Variants in INO80D observed in about 807,000 individuals in gnomAD.
INO80D encodes the protein INO80 complex subunit D.
INO80D carries 21 observed loss-of-function variants against 87.6 expected under a neutral mutation model. The observed-to-expected ratio is 0.24, with a 90% CI of 0.17 to 0.35. The LOEUF (loss-of-function observed/expected upper bound fraction) is 0.35. Ranked by LOEUF, INO80D falls within the 10% of genes least tolerant of loss-of-function variation. INO80D has a pLI of 1.00. For synonymous variants in INO80D, 440 were observed against 491.0 expected (o/e 0.90, Z 1.37); for missense variants, 982 against 1,280.7 (o/e 0.77, Z 3.56).
At chr2:206,020,998 C>G (rs1688449118) in intron 6 of INO80D, among the ~76,000 whole-genome samples, 1 of 151,894 alleles carries the variant, frequency 6.6e-6, no homozygotes, top group Non-Finnish European at 1.5e-5. Context: ...ATAGGGAGAT[C>G]CCCATCTCTA....
intron 8 of INO80D, among the ~76,000 whole-genome samples, chr2:206,011,801 G>C (rs1412177580): frequency 6.6e-6 from 1 of 152,166 alleles, no homozygotes; most frequent in Non-Finnish European, 1.5e-5. Flanking sequence ...AAATGGTCCT[G>C]CCCTTGTGAG....
rs367584213 is a variant in INO80D, at chr2:206,005,293, C to T, written c.2159G>A (p.Arg720His). ...ACTAGAAAAATTATCATGTACTATA[C>T]GCCCATTCAATAGCTCCCCTAGGTC... ...NTDLGELLNG[R>H]IVHDNFSSLE... The change falls in exon 11 of 11, where the codon CGT becomes CAT. Residue 720 changes from arginine to histidine, a missense_variant. By Grantham distance (29) the Arg-to-His change is conservative. Transcript: ENST00000403263. 1.9e-5 allele frequency: 31 copies of T among 1,613,904 alleles called. No individual in the cohort carries two copies. The highest frequency in any genetic ancestry group is 5.3e-5 in the African/African-American group (4 of 74,916).
At chr2:206,014,452 CCT>C (rs939780856) in intron 8 of INO80D, among the ~76,000 whole-genome samples, 2 of 152,014 alleles carry the variant, frequency 1.3e-5, no homozygotes, top group African/African-American at 4.8e-5. Context: ...AGGTCTTTCC[CCT>C]GTTGTTCTCG....
chr2:206,049,993 C>T (rs960746143), intron 4 of INO80D, among the ~76,000 whole-genome samples: 10 of 151,782 alleles, frequency 6.6e-5, no homozygotes, highest in South Asian at 2.1e-4. Flanking sequence ...ATGAGCCAGG[C>T]GTGGTGGTAT....
rs1330444142 is a variant in INO80D, at chr2:206,085,124, C to G, written c.-124+777G>C. Among the ~76,000 whole-genome samples, 1 of 152,146 alleles carries G rather than the reference C, an allele frequency of 6.6e-6. No individual in the cohort carries two copies. The highest frequency in any genetic ancestry group is 2.1e-4 in the South Asian group (1 of 4,824). On this transcript the variant is annotated intron_variant, in intron 1 of 10. Transcript: ENST00000403263. The surrounding 1 kb of genome is among the most constrained non-coding windows in gnomAD (Gnocchi z 4.5). Reference sequence around the variant, plus strand: ...CCCCCACGCCCTGGGGGGTCCCGGGCGCTAGGACCAGGGCTCCCCGGAGAG... The same window carrying G: ...CCCCCACGCCCTGGGGGGTCCCGGGGGCTAGGACCAGGGCTCCCCGGAGAG...
intron 1 of INO80D, among the ~76,000 whole-genome samples, chr2:206,081,935 C>T (rs35783749): frequency 0.19 from 28,318 of 152,006 alleles, 3,275 homozygotes; most frequent in Non-Finnish European, 0.27. Flanking sequence ...ACTTGCCCAG[C>T]GGAAGGACTG....
intron 1 of INO80D, among the ~76,000 whole-genome samples, chr2:206,077,149 C>T (rs936186219): frequency 6.6e-6 from 1 of 151,982 alleles, no homozygotes; most frequent in Admixed American, 6.6e-5. Flanking sequence ...TGGTGGTGGG[C>T]GCCTGTAGTC....
At chr2:206,066,568 G>A (rs761260511) in intron 1 of INO80D, among the ~76,000 whole-genome samples, 1 of 152,146 alleles carries the variant, frequency 6.6e-6, no homozygotes, top group Non-Finnish European at 1.5e-5. Flanking sequence ...CACTTTGGGA[G>A]GCCAAGGTAG....
Position 206,056,542 on chromosome 2 carries a change from T to C in INO80D, c.620A>G (p.Gln207Arg), listed in dbSNP as rs754026510. The C allele has an allele frequency of 6.4e-5, 103 of 1,613,016 alleles. No individual in the cohort carries two copies. In the Admixed American group the frequency reaches 1.7e-3, roughly 26 times the overall value. The change falls in exon 4 of 11, where the codon CAG becomes CGG. Residue 207 changes from glutamine to arginine, a missense_variant. By Grantham distance (43) the Gln-to-Arg change is conservative. Transcript: ENST00000403263. ...PPAPSQQQPP[Q>R]QHSHLSPLST... The stretch of plus-strand genomic sequence containing the variant: ...TAAAGGTGACAGGTGGGAGTGCTGC[T>C]GCGGAGGCTGCTGCTGTGAAGGTGC...
intron 4 of INO80D, among the ~76,000 whole-genome samples, chr2:206,051,392 C>T (rs1330908656): frequency 1.3e-5 from 2 of 150,448 alleles, no homozygotes; most frequent in Non-Finnish European, 3.0e-5. Flanking sequence ...AACAGATACC[C>T]GGAAGCAAAA....
At position 205,998,889 on chromosome 2, in the gene INO80D, C is replaced by A. The variant is rs530237111; in HGVS notation, c.*5479G>T. Reference sequence around the variant, plus strand: ...TCCCTGAGACATACTCAATACTATACAGTGAAAAGAACTATCACTGTTGAG... The same window carrying A: ...TCCCTGAGACATACTCAATACTATAAAGTGAAAAGAACTATCACTGTTGAG... On this transcript the variant is annotated 3_prime_UTR_variant, in exon 11 of 11. Coordinates refer to ENST00000403263, the MANE Select transcript of INO80D (RefSeq NM_017759.5). 1 of 152,186 alleles carries A rather than the reference C, an allele frequency of 6.6e-6. No homozygotes were observed. Among genetic ancestry groups the A allele is most frequent in the South Asian group, 2.1e-4 (1 of 4,828 alleles). 9.4% of individuals were successfully genotyped at this position (152,186 alleles called of 1,614,324 possible). A position where few individuals can be genotyped will look rare whatever the true frequency, so the allele number is the denominator to read the frequency against.
intron 1 of INO80D, among the ~76,000 whole-genome samples, chr2:206,083,879 GA>G (rs1271068273): frequency 7.0e-6 from 1 of 142,450 alleles, no homozygotes; most frequent in Non-Finnish European, 1.5e-5. Flanking sequence ...AAAAAAAAAG[GA>G]AAAAACCAAC....
chr2:206,075,264 T>C (rs1690081113), intron 1 of INO80D, among the ~76,000 whole-genome samples: 1 of 152,178 alleles, frequency 6.6e-6, no homozygotes, highest in Admixed American at 6.6e-5. Flanking sequence ...ATTATTCTCT[T>C]TGGGACTACC....
intron 10 of INO80D, among the ~76,000 whole-genome samples, chr2:206,005,753 T>C (rs1688006426): frequency 6.6e-6 from 1 of 152,230 alleles, no homozygotes; most frequent in Non-Finnish European, 1.5e-5. Flanking sequence ...CATCTTCAGT[T>C]GATTTACTGA....
chr2:206,021,048 A>G (rs1688450910), intron 6 of INO80D, among the ~76,000 whole-genome samples: 1 of 152,156 alleles, frequency 6.6e-6, no homozygotes, highest in South Asian at 2.1e-4. Flanking sequence ...GACAATTCTT[A>G]CAAGTACAAA....
rs1251733169 is a variant in INO80D, at chr2:206,056,319, G to T, written c.843C>A (p.Asp281Glu). Residue 281 changes from aspartate to glutamate, a missense_variant, in exon 4 of 11, where the codon GAC becomes GAA. Physicochemically the swap from Asp to Glu is conservative, Grantham distance 45 (BLOSUM62 2). Coordinates refer to ENST00000403263, the MANE Select transcript of INO80D (RefSeq NM_017759.5). The part of the protein sequence containing the change: ...RAPTVDPPRT[D>E]RILMKATAFS... ...AGGCTGTGGCTTTCATGAGGATCCGGTCAGTCCTGGGTGGGTCCACAGTGG... is the reference window on the plus strand; with the variant it reads ...AGGCTGTGGCTTTCATGAGGATCCGTTCAGTCCTGGGTGGGTCCACAGTGG... The T allele has an allele frequency of 6.2e-7, 1 of 1,614,022 alleles. No individual in the cohort carries two copies. The highest frequency in any genetic ancestry group is 1.1e-5 in the South Asian group (1 of 91,090).
Position 206,004,104 on chromosome 2 carries a change from C to T in INO80D, c.*264G>A. 7 of 516,768 alleles carry T rather than the reference C, an allele frequency of 1.4e-5. No individual in the cohort carries two copies. The highest frequency in any genetic ancestry group is 1.3e-4 in the South Asian group (5 of 39,530). The allele number at this position is 516,768 out of a possible 1,614,324, so 32.0% of individuals were successfully genotyped here. On this transcript the variant is annotated 3_prime_UTR_variant, in exon 11 of 11. Transcript: ENST00000403263. The surrounding 1 kb of genome is among the most constrained non-coding windows in gnomAD (Gnocchi z 4.9). Reference sequence around the variant, plus strand: ...TAGGACTTGCTGCTAAAAATCAATCCTATCCAGTCACTGTGCTGAACCACT... The same window carrying T: ...TAGGACTTGCTGCTAAAAATCAATCTTATCCAGTCACTGTGCTGAACCACT...
At chr2:206,015,555 G>A (rs1241287733) in intron 8 of INO80D, among the ~76,000 whole-genome samples, 1 of 152,168 alleles carries the variant, frequency 6.6e-6, no homozygotes, top group Admixed American at 6.5e-5. Context: ...CAAGAATTGA[G>A]GCTTGGGAAC....
chr2:206,076,185 C>A (rs1480187417), intron 1 of INO80D, among the ~76,000 whole-genome samples: 5 of 151,620 alleles, frequency 3.3e-5, no homozygotes, highest in African/African-American at 1.2e-4. Flanking sequence ...TGTAATGAAA[C>A]CCTCGACAAA....
Sources: gnomAD v4.1 joint callset for allele counts (sites outside exome capture counted in the v4.1 genomes callset) on GRCh38, gnomAD v4.1.1 for gene constraint, Gnocchi (gnomAD v3.1) non-coding constraint, MANE v1.5 for transcripts, NCBI Gene and HGNC (gene_info 2026-07-23, HGNC 2026-07-21) for gene names.